MAGI2: variants seen among roughly 807,000 people sequenced by gnomAD.
MAGI2 encodes the protein membrane-associated guanylate kinase, WW and PDZ domain-containing protein 2.
A neutral mutation model predicts 133.3 loss-of-function variants in MAGI2; 35 were observed. The ratio of observed to expected loss-of-function variants is 0.26; its 90% CI spans 0.20 to 0.35. MAGI2 has a LOEUF of 0.35. MAGI2 is among the 10% of genes least tolerant of loss of function. The pLI, the probability that MAGI2 is intolerant of heterozygous loss-of-function variation, is 1.00. For missense variants in MAGI2, 1,636 were observed against 1,863.4 expected (o/e 0.88, Z 2.25); for synonymous variants, 729 against 710.6 (o/e 1.03, Z -0.41).
chr7:78,238,013 C>T (rs757304506), intron 10 of MAGI2, among the ~76,000 whole-genome samples: 3 of 152,162 alleles, frequency 2.0e-5, no homozygotes, highest in Admixed American at 1.3e-4. Flanking sequence ...TTTTACTCAG[C>T]ACTTGGCACA....
chr7:79,279,605 C>A (rs117203808), intron 1 of MAGI2, among the ~76,000 whole-genome samples: 3 of 152,256 alleles, frequency 2.0e-5, no homozygotes, highest in South Asian at 2.1e-4. Context: ...GGAGGTCAAA[C>A]CTGCAGTGAG....
At chr7:78,977,497 AAGAAAGAAAGAAAGAAAGAAAG>A (rs1804387090) in intron 2 of MAGI2, among the ~76,000 whole-genome samples, 1 of 51,208 alleles carries the variant, frequency 2.0e-5, no homozygotes, top group Non-Finnish European at 7.1e-5. Context: ...GAAAGAAAGA[AAGAAAGAAAGAAAGAAAGAAAG>A]AAAGAAAGAG....
chr7:78,125,604 C>A (rs1263330203), intron 20 of MAGI2, 90 bp downstream of exon 20: 71 of 1,404,524 alleles, frequency 5.1e-5, no homozygotes, highest in Non-Finnish European at 6.8e-5. Flanking sequence ...ACAGCAACCC[C>A]GCTTGACAGC....
chr7:78,292,957 G>A (rs1796868410), intron 9 of MAGI2, among the ~76,000 whole-genome samples: 1 of 152,144 alleles, frequency 6.6e-6, no homozygotes, highest in Non-Finnish European at 1.5e-5. Context: ...AGACTTAAAT[G>A]TTAGACCTAA....
intron 2 of MAGI2, among the ~76,000 whole-genome samples, chr7:78,720,731 T>C (rs1820182818): frequency 6.6e-6 from 1 of 152,082 alleles, no homozygotes; most frequent in South Asian, 2.1e-4. Context: ...TCCATGGAGA[T>C]TAATTTCTCA....
chr7:79,223,565 C>T (rs1272020335), intron 1 of MAGI2, among the ~76,000 whole-genome samples: 1 of 151,924 alleles, frequency 6.6e-6, no homozygotes, highest in Admixed American at 6.6e-5. Context: ...CAGTGGTTCA[C>T]GCCTATAATC....
intron 21 of MAGI2, among the ~76,000 whole-genome samples, chr7:78,026,435 A>C (rs961290795): frequency 2.6e-5 from 4 of 152,354 alleles, no homozygotes; most frequent in African/African-American, 9.6e-5. Flanking sequence ...AACTCCAGCA[A>C]ACATTTGTGC....
intron 1 of MAGI2, among the ~76,000 whole-genome samples, chr7:79,246,086 G>A (rs1229722602): frequency 6.6e-6 from 1 of 152,196 alleles, no homozygotes; most frequent in Non-Finnish European, 1.5e-5. Context: ...GGCTTAGGGT[G>A]CCCCCTAATG....
At chr7:78,379,087 A>G (rs1025542522) in intron 6 of MAGI2, among the ~76,000 whole-genome samples, 6 of 152,010 alleles carry the variant, frequency 3.9e-5, no homozygotes, top group African/African-American at 1.4e-4. Flanking sequence ...AGTTATCAGT[A>G]CAAAGACAAA....
chr7:79,013,323 T>C (rs1473484490), intron 1 of MAGI2, among the ~76,000 whole-genome samples: 1 of 152,164 alleles, frequency 6.6e-6, no homozygotes, highest in Non-Finnish European at 1.5e-5. Context: ...AGTAGACAAC[T>C]GACTTCAGAC....
At chr7:79,196,107 T>C (rs1253409778) in intron 1 of MAGI2, among the ~76,000 whole-genome samples, 1 of 151,958 alleles carries the variant, frequency 6.6e-6, no homozygotes, top group African/African-American at 2.4e-5. Flanking sequence ...ACAAAAATGA[T>C]AGCTATGTGA....
chr7:78,545,109 C>T (rs2150681976), intron 3 of MAGI2, among the ~76,000 whole-genome samples: 1 of 151,568 alleles, frequency 6.6e-6, no homozygotes, highest in East Asian at 1.9e-4. Context: ...CCTTTTGAGT[C>T]CAATGTAGGT....
At chr7:78,102,290 A>T (rs1818276083) in intron 20 of MAGI2, among the ~76,000 whole-genome samples, 1 of 152,234 alleles carries the variant, frequency 6.6e-6, no homozygotes, top group South Asian at 2.1e-4. Flanking sequence ...CAGCATGGTA[A>T]CTATGGTTAA....
At chr7:78,919,244 C>T (rs1216721939) in intron 2 of MAGI2, among the ~76,000 whole-genome samples, 2 of 152,004 alleles carry the variant, frequency 1.3e-5, no homozygotes, top group African/African-American at 2.4e-5. Flanking sequence ...CAGTGAGGTA[C>T]TCATTCTATA....
chr7:78,207,997 G>A (rs1210246057), intron 10 of MAGI2, among the ~76,000 whole-genome samples: 2 of 152,102 alleles, frequency 1.3e-5, no homozygotes, highest in Non-Finnish European at 1.5e-5. Flanking sequence ...AGCCTCCCAA[G>A]TAGCTGGGAT....
chr7:78,201,327 T>C (rs1829231821), intron 10 of MAGI2, 134 bp from the exon 11 acceptor site: 6 of 487,870 alleles, frequency 1.2e-5, no homozygotes. Flanking sequence ...TCTGCCTGGC[T>C]GTATCGTTTT....
Position 78,139,874 on chromosome 7 carries a change from A to T in MAGI2, c.2846-4668T>A, listed in dbSNP as rs188164236. Among the ~76,000 whole-genome samples, 4 of 152,336 alleles carry T rather than the reference A, an allele frequency of 2.6e-5. No individual in the cohort carries two copies. In the East Asian group the frequency reaches 7.7e-4, roughly 29 times the overall value. Reference sequence around the variant, plus strand: ...ATAGATAAAACAATATTGTCTACTTATATTGCAACATGTTTTATATTTTCC... The same window carrying T: ...ATAGATAAAACAATATTGTCTACTTTTATTGCAACATGTTTTATATTTTCC... On this transcript the variant is annotated intron_variant, in intron 16 of 21. Transcript: ENST00000354212.
chr7:78,575,946 A>G (rs899535530), intron 3 of MAGI2, among the ~76,000 whole-genome samples: 30 of 152,338 alleles, frequency 2.0e-4, no homozygotes, highest in African/African-American at 7.0e-4. Context: ...ACATAGGTTT[A>G]TTAGTTACGA....
At position 78,019,674 on chromosome 7, in the gene MAGI2, G is replaced by A. The variant is rs1228363233; in HGVS notation, c.4009C>T (p.Arg1337Trp). Residue 1337 changes from arginine to tryptophan, a missense_variant, in exon 22 of 22, where the codon CGG (arginine) becomes TGG (tryptophan). Physicochemically the swap from Arg to Trp is moderately radical, Grantham distance 101. This residue lies in a region of MAGI2 where 354 missense variants were observed against 298.7 expected (regional missense o/e 1.19). Transcript: ENST00000354212. ...RLEEAPGGQG[R>W]PEAGRPASEA... Reference sequence around the variant, plus strand: ...GAGGCGGGCCTGCCGGCCTCGGGCCGCCCCTGGCCGCCGGGCGCCTCCTCG... The same window carrying A: ...GAGGCGGGCCTGCCGGCCTCGGGCCACCCCTGGCCGCCGGGCGCCTCCTCG... 1 of 1,393,182 alleles carries A rather than the reference G, an allele frequency of 7.2e-7. No individual in the cohort carries two copies. The highest frequency in any genetic ancestry group is 9.3e-7 in the Non-Finnish European group (1 of 1,077,798). 86.3% of individuals were successfully genotyped at this position (1,393,182 alleles called of 1,614,324 possible).
Sources: gnomAD v4.1 joint callset for allele counts (sites outside exome capture counted in the v4.1 genomes callset) on GRCh38, gnomAD v4.1.1 for gene constraint, gnomAD v4.1.1 regional missense constraint, MANE v1.5 for transcripts, NCBI Gene and HGNC (gene_info 2026-07-23, HGNC 2026-07-21) for gene names.